SGCZ: variants seen among roughly 807,000 people sequenced by gnomAD.
The protein encoded by SGCZ is sarcoglycan zeta.
Under a neutral mutation model 41.3 loss-of-function variants are expected in SGCZ, and 40 were observed. The ratio of observed to expected loss-of-function variants is 0.97; its 90% CI spans 0.75 to 1.26. SGCZ has a LOEUF of 1.26. SGCZ is among the 50% of genes most tolerant of loss of function. The pLI is 0.00. For synonymous variants in SGCZ, 206 were observed against 137.5 expected (o/e 1.50, Z -3.49); for missense variants, 552 against 369.8 (o/e 1.49, Z -4.04).
At chr8:14,601,509 T>G (rs1805588296) in intron 1 of SGCZ, among the ~76,000 whole-genome samples, 1 of 152,180 alleles carries the variant, frequency 6.6e-6, no homozygotes, top group East Asian at 1.9e-4. Flanking sequence ...AAAGTTGATC[T>G]TTTGGACAAT....
intron 3 of SGCZ, among the ~76,000 whole-genome samples, chr8:14,299,626 C>A (rs1386911876): frequency 6.6e-6 from 1 of 151,822 alleles, no homozygotes; most frequent in Non-Finnish European, 1.5e-5. Flanking sequence ...CCCACACACA[C>A]TTCTTTAAAA....
chr8:14,908,399 CCAAGGGGTATAATAAA>C (rs1799181771), intron 1 of SGCZ, among the ~76,000 whole-genome samples: 1 of 152,002 alleles, frequency 6.6e-6, no homozygotes, highest in South Asian at 2.1e-4. Flanking sequence ...CTGTATTCTA[CCAAGGGGTATAATAAA>C]CAAAGAAATA....
intron 1 of SGCZ, among the ~76,000 whole-genome samples, chr8:15,236,153 T>C (rs1802112098): frequency 6.6e-6 from 1 of 152,348 alleles, no homozygotes; most frequent in African/African-American, 2.4e-5. Context: ...AGTGGTGTTC[T>C]AGGTCTTCTC....
chr8:14,365,220 A>G (rs931445907), intron 2 of SGCZ, among the ~76,000 whole-genome samples: 1 of 152,038 alleles, frequency 6.6e-6, no homozygotes, highest in Non-Finnish European at 1.5e-5. Context: ...ACTTTATTAT[A>G]CATTTTAAAA....
chr8:14,408,058 G>A (rs9325706), intron 2 of SGCZ, among the ~76,000 whole-genome samples: 1 of 151,974 alleles, frequency 6.6e-6, no homozygotes, highest in African/African-American at 2.4e-5. Flanking sequence ...GGATTGATTT[G>A]AATTAATGGG....
intron 2 of SGCZ, among the ~76,000 whole-genome samples, chr8:14,547,283 C>T (rs1365580255): frequency 2.6e-5 from 4 of 152,112 alleles, no homozygotes; most frequent in South Asian, 2.1e-4. Context: ...AAGATTAGCT[C>T]GCTCTGACAA....
chr8:14,751,155 A>C (rs1161039781), intron 1 of SGCZ, among the ~76,000 whole-genome samples: 1 of 152,148 alleles, frequency 6.6e-6, no homozygotes, highest in Non-Finnish European at 1.5e-5. Context: ...TTTATTATTA[A>C]TATATTTTTA....
chr8:14,301,900 G>A (rs898927495), intron 3 of SGCZ, among the ~76,000 whole-genome samples: 9 of 152,134 alleles, frequency 5.9e-5, no homozygotes, highest in African/African-American at 2.2e-4. Flanking sequence ...AGATGAAAAA[G>A]ATAATTTTGT....
intron 1 of SGCZ, among the ~76,000 whole-genome samples, chr8:14,989,436 C>T (rs897851965): frequency 6.6e-6 from 1 of 151,934 alleles, no homozygotes; most frequent in East Asian, 1.9e-4. Context: ...CAGTGAGCTA[C>T]GATCACACCA....
chr8:14,453,824 G>T (rs1184468162), intron 2 of SGCZ, among the ~76,000 whole-genome samples: 1 of 152,100 alleles, frequency 6.6e-6, no homozygotes, highest in African/African-American at 2.4e-5. Context: ...AATTCTGTCA[G>T]TTTTTAAAAA....
In SGCZ at chr8:14,089,877, C is replaced by T. The variant is rs1801632482; in HGVS notation, c.*566G>A. 1.3e-5 allele frequency: 2 copies of T among 152,332 alleles called. No homozygotes were observed. Among genetic ancestry groups the T allele is most frequent in the Admixed American group, 1.3e-4 (2 of 15,220 alleles). 9.4% of individuals were successfully genotyped at this position (152,332 alleles called of 1,614,324 possible). A position where few individuals can be genotyped will look rare whatever the true frequency, so the allele number is the denominator to read the frequency against. ...CAGAAGGAAAACTCAGGGAGAGATT[C>T]TGTATTGTTTTGTTTTGTTCTGTTT... On this transcript the variant is annotated 3_prime_UTR_variant, in exon 8 of 8. Coordinates refer to ENST00000382080, the MANE Select transcript of SGCZ (RefSeq NM_139167.4).
chr8:14,641,816 A>C (rs1393481171), intron 1 of SGCZ, among the ~76,000 whole-genome samples: 1 of 151,650 alleles, frequency 6.6e-6, no homozygotes, highest in Admixed American at 6.6e-5. Context: ...TAATCCTTGC[A>C]ATTATGGGAA....
intron 2 of SGCZ, among the ~76,000 whole-genome samples, chr8:14,364,835 T>C (rs1043941848): frequency 7.9e-5 from 12 of 152,148 alleles, no homozygotes; most frequent in Non-Finnish European, 1.5e-4. Context: ...GTGTTCTTCA[T>C]TGAAGAATAA....
chr8:14,977,660 C>T (rs1310018906), intron 1 of SGCZ, among the ~76,000 whole-genome samples: 1 of 151,930 alleles, frequency 6.6e-6, no homozygotes, highest in Admixed American at 6.6e-5. Context: ...GAGACTACAC[C>T]ACAAGAACAC....
intron 1 of SGCZ, among the ~76,000 whole-genome samples, chr8:14,918,723 G>A (rs1486566874): frequency 6.6e-6 from 1 of 152,100 alleles, no homozygotes; most frequent in African/African-American, 2.4e-5. Flanking sequence ...CTTCATTATT[G>A]TTCTGAAGAG....
chr8:14,436,267 G>A (rs940280327), intron 2 of SGCZ, among the ~76,000 whole-genome samples: 2 of 152,176 alleles, frequency 1.3e-5, no homozygotes, highest in African/African-American at 4.8e-5. Flanking sequence ...TCACAGAGCA[G>A]GGAGGAGAAA....
chr8:14,697,272 A>C lies in SGCZ; in HGVS notation c.40-142346T>G, dbSNP rs375972396. ...ATTCTGGCTTTACTACATGCCAGAA[A>C]TGACTCTTGGCAAATCTCTCTGAGC... On this transcript the variant is annotated intron_variant, in intron 1 of 7. Coordinates refer to ENST00000382080, the MANE Select transcript of SGCZ (RefSeq NM_139167.4). 2.0e-5 allele frequency among the ~76,000 whole-genome samples: 3 copies of C among 152,184 alleles called. No individual in the cohort carries two copies. In the East Asian group the frequency reaches 5.8e-4, roughly 29 times the overall value.
intron 4 of SGCZ, chr8:14,165,062 C>T: frequency 4.5e-6 from 1 of 222,330 alleles, no homozygotes; most frequent in South Asian, 6.5e-5. Flanking sequence ...TTAATAAGTA[C>T]TTGTGGACTG....
intron 2 of SGCZ, among the ~76,000 whole-genome samples, chr8:14,425,508 A>G (rs1563320892): frequency 6.6e-6 from 1 of 151,846 alleles, no homozygotes; most frequent in Non-Finnish European, 1.5e-5. Flanking sequence ...GTAATCCCAG[A>G]TACTCGGGAG....
Sources: gnomAD v4.1 joint callset for allele counts (sites outside exome capture counted in the v4.1 genomes callset) on GRCh38, gnomAD v4.1.1 for gene constraint, MANE v1.5 for transcripts, NCBI Gene and HGNC (gene_info 2026-07-23, HGNC 2026-07-21) for gene names.